The following SETD1B variants were observed in gnomAD, a reference collection of about 807,000 sequenced individuals.
SETD1B encodes histone-lysine N-methyltransferase SETD1B.
Under a neutral mutation model 148.0 loss-of-function variants are expected in SETD1B, and 7 were observed. That is an observed-to-expected ratio of 0.05 (90% confidence interval 0.03 to 0.09). The LOEUF is 0.09. Ranked by LOEUF, SETD1B falls within the 10% of genes least tolerant of loss-of-function variation. The pLI, the probability that SETD1B is intolerant of heterozygous loss-of-function variation, is 1.00. For missense variants in SETD1B, 2,155 were observed against 2,729.9 expected, an observed-to-expected ratio of 0.79 and a Z score of 4.69; for synonymous variants, 1,361 against 1,186.5, an observed-to-expected ratio of 1.15 and a Z score of -3.02.
chr12:121,825,623 A>G (rs547980511), intron 13 of SETD1B, among the ~76,000 whole-genome samples: 1 of 151,580 alleles, frequency 6.6e-6, no homozygotes, highest in Non-Finnish European at 1.5e-5. Context: ...CCGCAAGTTC[A>G]TTCATTTTTT....
rs1378144379 is a variant in SETD1B, at chr12:121,819,498, G to A, written c.3513G>A (p.Ser1171=). Residue 1171 remains serine, a synonymous_variant, in exon 11 of 17, where the codon TCG becomes TCA. Transcript: ENST00000604567. The part of the protein sequence containing the change: ...SSEFESSSES[S]PSSSEDEEEV... ...AGTTTGAGTCAAGCTCCGAGTCCTC[G>A]CCCTCATCCTCGGAGGATGAGGAGG... The A allele has an allele frequency of 4.5e-6, 7 of 1,552,214 alleles. No individual in the cohort carries two copies. The highest frequency in any genetic ancestry group is 6.1e-6 in the Non-Finnish European group (7 of 1,147,086).
chr12:121,810,312 C>T lies in SETD1B; in HGVS notation c.1367C>T (p.Pro456Leu), dbSNP rs1875966042. 6.5e-7 allele frequency: 1 copy of T among 1,543,902 alleles called. No individual in the cohort carries two copies. Among genetic ancestry groups the T allele is most frequent in the Non-Finnish European group, 8.7e-7 (1 of 1,146,526 alleles). ...CCAGGCACGCCACCCGGCCCGCCGC[C>T]CCCCGACACCAACAGCATGGAGCTG... ...EKPGTPPGPP[P>L]PDTNSMELGG... The change falls in exon 6 of 17, where the codon CCC (proline) becomes CTC (leucine). Residue 456 changes from proline (P) to leucine (L), a missense_variant. Pro to Leu is a moderately conservative substitution (Grantham distance 98, BLOSUM62 -3). Transcript: ENST00000604567. This position sits in a 1 kb window ranked among gnomAD's most constrained non-coding sequence, Gnocchi z 7.6.
At chr12:121,809,013 G>A (rs1875879933) in intron 5 of SETD1B, among the ~76,000 whole-genome samples, 1 of 152,116 alleles carries the variant, frequency 6.6e-6, no homozygotes, top group Non-Finnish European at 1.5e-5. Flanking sequence ...GGGATTACAG[G>A]CACACGCCAC....
the SETD1B span, among the ~76,000 whole-genome samples, chr12:121,792,106 G>A: frequency 7.6e-6 from 1 of 132,126 alleles, no homozygotes; most frequent in East Asian, 3.1e-4. Flanking sequence ...AATGGAGGGG[G>A]GCTCTGAGCT....
At chr12:121,801,067 G>T (rs1289935099), upstream of SETD1B, 1 of 151,956 alleles carries the variant, frequency 6.6e-6, no homozygotes, top group South Asian at 2.1e-4. Flanking sequence ...CAGCAGCTCC[G>T]GGCTGCGGGC....
chr12:121,799,621 CAG>C (rs1363023784), upstream of SETD1B: 7 of 151,768 alleles, frequency 4.6e-5, no homozygotes, highest in Admixed American at 1.3e-4. Flanking sequence ...CTATATTCGG[CAG>C]AGACTTACAC....
At chr12:121,790,497 C>T in the SETD1B span, among the ~76,000 whole-genome samples, 123 of 152,376 alleles carry the variant, frequency 8.1e-4, no homozygotes, top group African/African-American at 2.8e-3. Context: ...GCATTCGGAT[C>T]CACTACCCAT....
In SETD1B at chr12:121,810,300, C is replaced by G. The variant is rs544049846; in HGVS notation, c.1355C>G (p.Pro452Arg). 4 of 1,543,038 alleles carry G rather than the reference C, an allele frequency of 2.6e-6. No homozygotes were observed. Among genetic ancestry groups the G allele is most frequent in the South Asian group, 2.4e-5 (2 of 83,966 alleles). The change falls in exon 6 of 17, where the codon CCC becomes CGC. Residue 452 changes from proline (P) to arginine (R), a missense_variant. Around this residue, in one of 11 missense-constraint regions of SETD1B, gnomAD observed 376 missense variants for 385.0 expected, o/e 0.98. Transcript: ENST00000604567. This position sits in a 1 kb window ranked among gnomAD's most constrained non-coding sequence, Gnocchi z 7.6. ...GCCAAGGAGAAGCCAGGCACGCCAC[C>G]CGGCCCGCCGCCCCCCGACACCAAC... Reference protein sequence around the residue: ...PLAKEKPGTPPGPPPPDTNSM... With the variant: ...PLAKEKPGTPRGPPPPDTNSM...
chr12:121,810,056 C>A lies in SETD1B; in HGVS notation c.1111C>A (p.Gln371Lys). ...GGSSGPPFKA[Q>K]PQDSATFAHT... is the part of the protein sequence containing the mutation. ...CAGCAGCGGTCCCCCGTTCAAGGCT[C>A]AACCACAGGATTCAGCCACATTTGC... Residue 371 changes from glutamine (Q) to lysine (K), a missense_variant, in exon 6 of 17, where the codon CAA (glutamine) becomes AAA (lysine). Around this residue, in one of 11 missense-constraint regions of SETD1B, gnomAD observed 376 missense variants for 385.0 expected, o/e 0.98. Coordinates refer to ENST00000604567, the MANE Select transcript of SETD1B (RefSeq NM_001353345.2). The surrounding 1 kb of genome is among the most constrained non-coding windows in gnomAD (Gnocchi z 7.6). 6.5e-7 allele frequency: 1 copy of A among 1,550,314 alleles called. No individual in the cohort carries two copies. Among genetic ancestry groups the A allele is most frequent in the Non-Finnish European group, 8.7e-7 (1 of 1,146,934 alleles).
In SETD1B at chr12:121,808,337, C is replaced by G; in HGVS notation, c.657+17C>G. On this transcript the variant is annotated intron_variant, in intron 5 of 16. Transcript: ENST00000604567. This position sits in a 1 kb window ranked among gnomAD's most constrained non-coding sequence, Gnocchi z 5.3. Reference sequence around the variant, plus strand: ...ACCCTGCAGGTGGGTTTATGGCCGTCAGTCTGCCCCATCGCCAGCTCTTTG... The same window carrying G: ...ACCCTGCAGGTGGGTTTATGGCCGTGAGTCTGCCCCATCGCCAGCTCTTTG... 6.6e-7 allele frequency: 1 copy of G among 1,521,082 alleles called. No individual in the cohort carries two copies. 94.2% of individuals were successfully genotyped at this position (1,521,082 alleles called of 1,614,324 possible).
intron 7 of SETD1B, among the ~76,000 whole-genome samples, 159 bp downstream of exon 7, chr12:121,815,089 CTG>C (rs1876227275): frequency 6.6e-6 from 1 of 152,120 alleles, no homozygotes; most frequent in Non-Finnish European, 1.5e-5. Context: ...GTTCCGCAAA[CTG>C]TGCTCCACTT....
rs368348128 is a variant in SETD1B, at chr12:121,810,704, G to T, written c.1759G>T (p.Asp587Tyr). 6.4e-7 allele frequency: 1 copy of T among 1,551,140 alleles called. No homozygotes were observed. The change falls in exon 6 of 17, where the codon GAC becomes TAC. Residue 587 changes from aspartate (D) to tyrosine (Y), a missense_variant. Transcript: ENST00000604567. This position sits in a 1 kb window ranked among gnomAD's most constrained non-coding sequence, Gnocchi z 7.6. ...AGACTCCGACGAGGACGAGGAGCTC[G>T]ACCTGGGCCTTGGGCCTCGGCCTCC... ...LPDSDEDEEL[D>Y]LGLGPRPPPE...
At position 121,810,705 on chromosome 12, in the gene SETD1B, A is replaced by T; in HGVS notation, c.1760A>T (p.Asp587Val). The T allele has an allele frequency of 6.4e-7, 1 of 1,551,146 alleles. No homozygotes were observed. The highest frequency in any genetic ancestry group is 8.7e-7 in the Non-Finnish European group (1 of 1,146,922). The change falls in exon 6 of 17, where the codon GAC becomes GTC. Residue 587 changes from aspartate to valine, a missense_variant. By Grantham distance (152) the Asp-to-Val change is radical. Coordinates refer to ENST00000604567, the MANE Select transcript of SETD1B (RefSeq NM_001353345.2). The surrounding 1 kb of genome is among the most constrained non-coding windows in gnomAD (Gnocchi z 7.6). Reference protein sequence around the residue: ...LPDSDEDEELDLGLGPRPPPE... With the variant: ...LPDSDEDEELVLGLGPRPPPE... ...GACTCCGACGAGGACGAGGAGCTCG[A>T]CCTGGGCCTTGGGCCTCGGCCTCCA... is the stretch of plus-strand genomic sequence containing the variant.
In SETD1B at chr12:121,827,923, T is replaced by C. The variant is rs1233397507; in HGVS notation, c.5590-10T>C. 5.2e-6 allele frequency: 8 copies of C among 1,552,096 alleles called. No individual in the cohort carries two copies. The highest frequency in any genetic ancestry group is 6.1e-6 in the Non-Finnish European group (7 of 1,147,134). Reference sequence around the variant, plus strand: ...CCGGCCCAGCCAGACTGACCCCCTTTTGTGGCCAGGTGATCGCAGACATGC... The same window carrying C: ...CCGGCCCAGCCAGACTGACCCCCTTCTGTGGCCAGGTGATCGCAGACATGC... On this transcript the variant is annotated splice_polypyrimidine_tract_variant and intron_variant, in intron 15 of 16. Coordinates refer to ENST00000604567, the MANE Select transcript of SETD1B (RefSeq NM_001353345.2).
chr12:121,808,737 G>A lies in SETD1B; in HGVS notation c.657+417G>A, dbSNP rs1005614939. 6.6e-6 allele frequency among the ~76,000 whole-genome samples: 1 copy of A among 152,198 alleles called. No individual in the cohort carries two copies. Among genetic ancestry groups the A allele is most frequent in the Non-Finnish European group, 1.5e-5 (1 of 68,040 alleles). On this transcript the variant is annotated intron_variant, in intron 5 of 16. Coordinates refer to ENST00000604567, the MANE Select transcript of SETD1B (RefSeq NM_001353345.2). The surrounding 1 kb of genome is among the most constrained non-coding windows in gnomAD (Gnocchi z 5.3). ...ACCAGAGTTCATGCCCTGCCTTCCAGAGCAAGGCTGACTCCTTCCAAACCA... is the reference window on the plus strand; with the variant it reads ...ACCAGAGTTCATGCCCTGCCTTCCAAAGCAAGGCTGACTCCTTCCAAACCA...
In SETD1B at chr12:121,809,998, C is replaced by T. The variant is rs1875941723; in HGVS notation, c.1053C>T (p.Asp351=). The T allele has an allele frequency of 4.5e-6, 7 of 1,550,584 alleles. No homozygotes were observed. Among genetic ancestry groups the T allele is most frequent in the Non-Finnish European group, 6.1e-6 (7 of 1,146,946 alleles). Residue 351 remains aspartate, a synonymous_variant, in exon 6 of 17, where the codon GAC becomes GAT. Coordinates refer to ENST00000604567, the MANE Select transcript of SETD1B (RefSeq NM_001353345.2). ...GATAAFRGSS[D]LPFGAVGGTG... ...CAGCCGCTTTCCGGGGTTCCTCGGA[C>T]CTCCCGTTCGGAGCAGTCGGCGGCA...
chr12:121,806,249 G>T, intron 4 of SETD1B, 144 bp downstream of exon 4: 2 of 896,368 alleles, frequency 2.2e-6, no homozygotes, highest in South Asian at 3.5e-5. Flanking sequence ...CCCTCCTGAG[G>T]GTAGAGTCGC....
rs556013280 is a variant in SETD1B, at chr12:121,810,782, G to A, written c.1837G>A (p.Val613Met). The A allele has an allele frequency of 7.1e-6, 11 of 1,543,774 alleles. No individual in the cohort carries two copies. The East Asian group carries it at 2.5e-4, about 34-fold the overall frequency. Residue 613 changes from valine to methionine, a missense_variant, in exon 6 of 17, where the codon GTG becomes ATG. Transcript: ENST00000604567. This position sits in a 1 kb window ranked among gnomAD's most constrained non-coding sequence, Gnocchi z 7.6. ...TGGGCTTCTGAGCCAGACAGCTGAG[G>A]TGGCCTTGGACCTGGTTGGAGACAG... ...PAGLLSQTAE[V>M]ALDLVGDRTP...
rs1208494338 is a variant in SETD1B at position 121,814,282 on chromosome 12, G to A, written c.2067G>A (p.Pro689=). 3.0e-5 allele frequency: 16 copies of A among 527,020 alleles called. No individual in the cohort carries two copies. In the African/African-American group the frequency reaches 3.8e-4, roughly 12 times the overall value. 32.6% of individuals were successfully genotyped at this position (527,020 alleles called of 1,614,324 possible). ...LPLPPPPGFP[P]LPPPPPPPPP... ...TGCCCCCGCCACCTGGCTTCCCCCC[G>A]CTGCCCCCCCCACCACCACCACCCC... Residue 689 remains proline, a synonymous_variant, in exon 7 of 17, where the codon CCG becomes CCA. Transcript: ENST00000604567.
Sources: allele counts gnomAD v4.1 joint callset (sites outside exome capture counted in the v4.1 genomes callset), GRCh38; gene constraint gnomAD v4.1.1; regional missense constraint gnomAD v4.1.1; non-coding constraint Gnocchi (gnomAD v3.1); transcripts MANE v1.5; gene names NCBI Gene and HGNC (gene_info 2026-07-23, HGNC 2026-07-21).